KCNH6: variants seen among roughly 807,000 people sequenced by gnomAD.
KCNH6 encodes potassium voltage-gated channel subfamily H member 6, also known as voltage-gated inwardly rectifying potassium channel KCNH6.
Under a neutral mutation model 83.4 loss-of-function variants are expected in KCNH6, and 81 were observed. That is an observed-to-expected ratio of 0.97 (90% confidence interval 0.81 to 1.17). The LOEUF is 1.17. KCNH6 is among the 50% of genes most tolerant of loss of function. KCNH6 has a pLI of 0.00. For missense variants in KCNH6, 1,203 were observed against 1,290.5 expected (o/e 0.93, Z 1.04); for synonymous variants, 503 against 545.6 (o/e 0.92, Z 1.09).
Position 63,533,871 on chromosome 17 carries a change from G to C in KCNH6, c.676-15G>C. ...GGCTGCCCCGTGCCTGACCTCCCTC[G>C]GCCCCCACCCCCAGGTCCTGTCCCT... is the stretch of plus-strand genomic sequence containing the variant. On this transcript the variant is annotated splice_polypyrimidine_tract_variant and intron_variant, in intron 4 of 12. Transcript: ENST00000314672. The surrounding 1 kb of genome is among the most constrained non-coding windows in gnomAD (Gnocchi z 4.1). 6.2e-7 allele frequency: 1 copy of C among 1,604,818 alleles called. No homozygotes were observed. The highest frequency in any genetic ancestry group is 1.3e-5 in the African/African-American group (1 of 74,848).
rs773956030 is a variant in KCNH6 at position 63,523,366 on chromosome 17, C to T, written c.-48C>T. The T allele has an allele frequency of 2.2e-5, 33 of 1,531,248 alleles. No individual in the cohort carries two copies. Among genetic ancestry groups the T allele is most frequent in the Non-Finnish European group, 2.8e-5 (32 of 1,137,834 alleles). The allele number at this position is 1,531,248 out of a possible 1,614,324, so 94.9% of individuals were successfully genotyped here. On this transcript the variant is annotated 5_prime_UTR_variant, in exon 1 of 13. Transcript: ENST00000314672. This position sits in a 1 kb window ranked among gnomAD's most constrained non-coding sequence, Gnocchi z 4.2. ...TGAGCCCGAGGACAGACGGAGACGC[C>T]GGGAGCCAGTGGCGCCTGTGGCTCC...
At position 63,534,646 on chromosome 17, in the gene KCNH6, A is replaced by G. The variant is rs534707299; in HGVS notation, c.1101+335A>G. ...GCACTCACCCTGGAGGAAGAAAGGGATCCCCAGGCCACTCCCCCAGTGCAC... is the reference window on the plus strand; with the variant it reads ...GCACTCACCCTGGAGGAAGAAAGGGGTCCCCAGGCCACTCCCCCAGTGCAC... On this transcript the variant is annotated intron_variant, in intron 5 of 12. Coordinates refer to ENST00000314672, the MANE Select transcript of KCNH6 (RefSeq NM_001278919.2). The surrounding 1 kb of genome is among the most constrained non-coding windows in gnomAD (Gnocchi z 5.0). Among the ~76,000 whole-genome samples, 11 of 151,944 alleles carry G rather than the reference A, an allele frequency of 7.2e-5. No homozygotes were observed. In the East Asian group the frequency reaches 1.9e-3, roughly 27 times the overall value.
At chr17:63,536,117 C>T (rs368368897) in intron 6 of KCNH6, 49 bp downstream of exon 6, 25 of 1,547,204 alleles carry the variant, frequency 1.6e-5, no homozygotes, top group Middle Eastern at 1.7e-4. Flanking sequence ...TGGTCTTACC[C>T]GTGAAATTTT....
rs1170603814 is a variant in KCNH6, at chr17:63,530,101, C to T, written c.318C>T (p.Phe106=). ...ILYYRKDASS[F]RCLVDVVPVK... Reference sequence around the variant, plus strand: ...CAATGGTGTTCGCAGCCTCCAGCTTCCGCTGCCTGGTAGATGTGGTGCCCG... The same window carrying T: ...CAATGGTGTTCGCAGCCTCCAGCTTTCGCTGCCTGGTAGATGTGGTGCCCG... Residue 106 remains phenylalanine, a synonymous_variant, in exon 3 of 13, where the codon TTC becomes TTT. Coordinates refer to ENST00000314672, the MANE Select transcript of KCNH6 (RefSeq NM_001278919.2). 2 of 1,613,270 alleles carry T rather than the reference C, an allele frequency of 1.2e-6. No individual in the cohort carries two copies. Among genetic ancestry groups the T allele is most frequent in the African/African-American group, 2.7e-5 (2 of 74,936 alleles).
Position 63,524,250 on chromosome 17 carries a change from C to A in KCNH6, c.188C>A (p.Pro63His). Residue 63 changes from proline to histidine, a missense_variant, in exon 2 of 13, where the codon CCC becomes CAC. Pro to His is a moderately conservative substitution (Grantham distance 77, BLOSUM62 -2). Transcript: ENST00000314672. Reference sequence around the variant, plus strand: ...TCCCGAGTGGAGGTGATGCAGCAACCCTGCACCTGCGACTTCCTCACAGGC... The same window carrying A: ...TCCCGAGTGGAGGTGATGCAGCAACACTGCACCTGCGACTTCCTCACAGGC... Reference protein sequence around the residue: ...GYSRVEVMQQPCTCDFLTGPN... With the variant: ...GYSRVEVMQQHCTCDFLTGPN... The A allele has an allele frequency of 1.2e-6, 2 of 1,614,112 alleles. No individual in the cohort carries two copies. Among genetic ancestry groups the A allele is most frequent in the Non-Finnish European group, 1.7e-6 (2 of 1,180,012 alleles).
intron 9 of KCNH6, 49 bp from the exon 10 acceptor site, chr17:63,543,527 C>A (rs748119478): frequency 7.7e-6 from 9 of 1,162,988 alleles, no homozygotes; most frequent in Non-Finnish European, 1.2e-5. Context: ...ACAAAGAGGC[C>A]CCATCCCAGC....
At chr17:63,537,291 A>G (rs746724463) in intron 6 of KCNH6, among the ~76,000 whole-genome samples, 39 of 152,228 alleles carry the variant, frequency 2.6e-4, no homozygotes, top group Non-Finnish European at 5.1e-4. Context: ...CACCTGGTTT[A>G]GGAAAACAAG....
chr17:63,527,168 G>A (rs2031773321), intron 2 of KCNH6, among the ~76,000 whole-genome samples: 1 of 152,164 alleles, frequency 6.6e-6, no homozygotes. Flanking sequence ...GGAGTCCTGG[G>A]ACTTCTCCAG....
chr17:63,534,118 T>C lies in KCNH6; in HGVS notation c.908T>C (p.Val303Ala), dbSNP rs755266587. The C allele has an allele frequency of 2.8e-6, 4 of 1,409,060 alleles. No individual in the cohort carries two copies. In the African/African-American group the frequency reaches 6.4e-5, roughly 22 times the overall value. The allele number at this position is 1,409,060 out of a possible 1,614,324, so 87.3% of individuals were successfully genotyped here. A position where few individuals can be genotyped will look rare whatever the true frequency, so the allele number is the denominator to read the frequency against. The change falls in exon 5 of 13, where the codon GTG (valine) becomes GCG (alanine). Residue 303 changes from valine (V) to alanine (A), a missense_variant. By Grantham distance (64) the Val-to-Ala change is moderately conservative. Transcript: ENST00000314672. The surrounding 1 kb of genome is among the most constrained non-coding windows in gnomAD (Gnocchi z 5.0). ...CSYTCSPLTV[V>A]DLIVDIMFVV... Reference sequence around the variant, plus strand: ...TATACCTGCAGTCCCCTCACTGTGGTGGATCTCATCGTGGACATCATGTTC... The same window carrying C: ...TATACCTGCAGTCCCCTCACTGTGGCGGATCTCATCGTGGACATCATGTTC...
downstream of KCNH6, among the ~76,000 whole-genome samples, chr17:63,547,965 T>TAAAA (rs58169236): frequency 2.3e-5 from 3 of 133,116 alleles, no homozygotes; most frequent in Non-Finnish European, 4.9e-5. Flanking sequence ...CTCGGTCTCT[T>TAAAA]AAAAAAAAAA....
Position 63,524,241 on chromosome 17 carries a change from T to C in KCNH6, c.179T>C (p.Met60Thr). ...ELFGYSRVEV[M>T]QQPCTCDFLT... ...TTCGGCTACTCCCGAGTGGAGGTGA[T>C]GCAGCAACCCTGCACCTGCGACTTC... Residue 60 changes from methionine (M) to threonine (T), a missense_variant, in exon 2 of 13, where the codon ATG becomes ACG. Met to Thr is a moderately conservative substitution (Grantham distance 81). Coordinates refer to ENST00000314672, the MANE Select transcript of KCNH6 (RefSeq NM_001278919.2). The C allele has an allele frequency of 2.5e-6, 4 of 1,614,150 alleles. No individual in the cohort carries two copies. Among genetic ancestry groups the C allele is most frequent in the East Asian group, 2.2e-5 (1 of 44,884 alleles).
At position 63,541,167 on chromosome 17, in the gene KCNH6, C is replaced by T. The variant is rs140365493; in HGVS notation, c.1955-1074C>T. Among the ~76,000 whole-genome samples, 386 of 152,268 alleles carry T rather than the reference C, an allele frequency of 2.5e-3. 3 individuals are homozygous for T. Among genetic ancestry groups the T allele is most frequent in the Middle Eastern group, 0.01 (3 of 294 alleles). ...TTATATTTATATCCTTTGGCCAGCA[C>T]AGCACCTGGCACCAGGAGGGCCCAG... On this transcript the variant is annotated intron_variant, in intron 8 of 12. Coordinates refer to ENST00000314672, the MANE Select transcript of KCNH6 (RefSeq NM_001278919.2).
Position 63,545,942 on chromosome 17 carries a change from C to A in KCNH6, c.*40C>A. The A allele has an allele frequency of 1.9e-6, 3 of 1,592,174 alleles. No homozygotes were observed. The highest frequency in any genetic ancestry group is 2.6e-6 in the Non-Finnish European group (3 of 1,165,446). On this transcript the variant is annotated 3_prime_UTR_variant, in exon 13 of 13. Transcript: ENST00000314672. ...ACACCATGAGGGGACTGAAGGTGGG[C>A]AAGGTGAGAGTTAAGGATCTTGGGG...
rs200983972 is a variant in KCNH6, at chr17:63,530,330, G to A, written c.470-7G>A. The A allele has an allele frequency of 2.2e-5, 35 of 1,614,146 alleles. No homozygotes were observed. In the East Asian group the frequency reaches 7.4e-4, roughly 34 times the overall value. ...GTGGCTGCTCTGACTCCTGGCCCTG[G>A]TTTCAGAGGGCTCTCATGGCAGGCC... On this transcript the variant is annotated splice_polypyrimidine_tract_variant and splice_region_variant and intron_variant, in intron 3 of 12. Transcript: ENST00000314672.
Position 63,538,530 on chromosome 17 carries a change from G to A in KCNH6, c.1822G>A (p.Val608Ile), listed in dbSNP as rs772909477. 1.9e-6 allele frequency: 3 copies of A among 1,608,856 alleles called. No homozygotes were observed. The highest frequency in any genetic ancestry group is 2.7e-5 in the African/African-American group (2 of 74,942). ...AGKGCLRALA[V>I]KFKTTHAPPG... is the part of the protein sequence containing the mutation. ...CAAGGGCTGCCTGCGCGCGCTAGCCGTCAAGTTCAAGACCACCCACGCGCC... is the reference window on the plus strand; with the variant it reads ...CAAGGGCTGCCTGCGCGCGCTAGCCATCAAGTTCAAGACCACCCACGCGCC... Residue 608 changes from valine (V) to isoleucine (I), a missense_variant, in exon 8 of 13, where the codon GTC becomes ATC. Transcript: ENST00000314672. The surrounding 1 kb of genome is among the most constrained non-coding windows in gnomAD (Gnocchi z 4.0).
In KCNH6 at chr17:63,534,156, G is replaced by A. The variant is rs781598801; in HGVS notation, c.946G>A (p.Val316Ile). Residue 316 changes from valine (V) to isoleucine (I), a missense_variant, in exon 5 of 13, where the codon GTC (valine) becomes ATC (isoleucine). By Grantham distance (29) the Val-to-Ile change is conservative. Transcript: ENST00000314672. The surrounding 1 kb of genome is among the most constrained non-coding windows in gnomAD (Gnocchi z 5.0). ...GGACATCATGTTCGTCGTGGACATC[G>A]TCATCAACTTCCGCACCACCTATGT... Reference protein sequence around the residue: ...IVDIMFVVDIVINFRTTYVNT... With the variant: ...IVDIMFVVDIIINFRTTYVNT... The A allele has an allele frequency of 2.2e-5, 36 of 1,609,528 alleles. No homozygotes were observed. Among genetic ancestry groups the A allele is most frequent in the South Asian group, 4.4e-5 (4 of 90,916 alleles).
chr17:63,538,408 A>T lies in KCNH6; in HGVS notation c.1702-2A>T. 1.3e-6 allele frequency: 2 copies of T among 1,593,314 alleles called. No homozygotes were observed. Among genetic ancestry groups the T allele is most frequent in the Non-Finnish European group, 1.7e-6 (2 of 1,171,072 alleles). ...CGCTGGACTTGGCCGCCCGCCTTGCAGGTGCTGAAGGGCTTCCCCGAGTGC... is the reference window on the plus strand; with the variant it reads ...CGCTGGACTTGGCCGCCCGCCTTGCTGGTGCTGAAGGGCTTCCCCGAGTGC... On this transcript the variant is annotated splice_acceptor_variant, in intron 7 of 12. Coordinates refer to ENST00000314672, the MANE Select transcript of KCNH6 (RefSeq NM_001278919.2). LOFTEE classifies it high-confidence loss of function. This position sits in a 1 kb window ranked among gnomAD's most constrained non-coding sequence, Gnocchi z 4.0.
intron 8 of KCNH6, among the ~76,000 whole-genome samples, chr17:63,539,551 C>T (rs556380899): frequency 6.6e-6 from 1 of 152,298 alleles, no homozygotes; most frequent in South Asian, 2.1e-4. Context: ...TCAATGTATC[C>T]CAACCTGAAA....
intron 4 of KCNH6, among the ~76,000 whole-genome samples, chr17:63,531,240 C>T (rs1174805119): frequency 1.3e-5 from 2 of 152,218 alleles, no homozygotes; most frequent in Admixed American, 6.5e-5. Flanking sequence ...GAGCCCTGCC[C>T]GAGGCTCCAG....
Sources: allele counts gnomAD v4.1 joint callset (sites outside exome capture counted in the v4.1 genomes callset), GRCh38; gene constraint gnomAD v4.1.1; non-coding constraint Gnocchi (gnomAD v3.1); transcripts MANE v1.5; gene names NCBI Gene and HGNC (gene_info 2026-07-23, HGNC 2026-07-21).